The following IQGAP3 variants were observed in gnomAD, a reference collection of about 807,000 sequenced individuals.
The protein encoded by IQGAP3 is ras GTPase-activating-like protein IQGAP3.
A neutral mutation model predicts 208.2 loss-of-function variants in IQGAP3; 165 were observed. That is an observed-to-expected ratio of 0.79 (90% confidence interval 0.70 to 0.90). The LOEUF (loss-of-function observed/expected upper bound fraction) is 0.90. Ranked by LOEUF, IQGAP3 falls within the 40% of genes least tolerant of loss-of-function variation. The pLI is 0.00. For missense variants in IQGAP3, 1,811 were observed against 2,043.1 expected (o/e 0.89, Z 2.19); for synonymous variants, 703 against 803.6 (o/e 0.87, Z 2.12).
chr1:156,568,434 C>A (rs1263894915), intron 2 of IQGAP3, among the ~76,000 whole-genome samples: 2 of 152,196 alleles, frequency 1.3e-5, no homozygotes, highest in Non-Finnish European at 2.9e-5. Context: ...CCAGGCTGGT[C>A]TCAAACTCCT....
chr1:156,539,139 C>A, intron 25 of IQGAP3, 106 bp from the exon 26 acceptor site: 1 of 994,312 alleles, frequency 1.0e-6, no homozygotes, highest in Non-Finnish European at 1.5e-6. Context: ...CTGGTGTCCC[C>A]GCTCTTAAGG....
rs1355808398 is a variant in IQGAP3 at position 156,531,243 on chromosome 1, T to G, written c.4108A>C (p.Lys1370Gln). 2 of 1,613,224 alleles carry G rather than the reference T, an allele frequency of 1.2e-6. No homozygotes were observed. The highest frequency in any genetic ancestry group is 2.2e-5 in the South Asian group (2 of 91,052). Reference sequence around the variant, plus strand: ...TGTATGATATCGGCCAACAGCTGCTTGGTGCTGCACAAGGAGGACAGTGAC... The same window carrying G: ...TGTATGATATCGGCCAACAGCTGCTGGGTGCTGCACAAGGAGGACAGTGAC... Reference protein sequence around the residue: ...SNTRSLLLSTKQLLADIIQFH... With the variant: ...SNTRSLLLSTQQLLADIIQFH... Residue 1370 changes from lysine (K) to glutamine (Q), a missense_variant, in exon 33 of 38, where the codon AAG (lysine) becomes CAG (glutamine). Lys to Gln is a moderately conservative substitution (Grantham distance 53). Coordinates refer to ENST00000361170, the MANE Select transcript of IQGAP3 (RefSeq NM_178229.5).
At position 156,566,028 on chromosome 1, in the gene IQGAP3, G is replaced by A. The variant is rs200320829; in HGVS notation, c.359C>T (p.Ser120Leu). The A allele has an allele frequency of 7.2e-5, 116 of 1,611,684 alleles. No homozygotes were observed. The highest frequency in any genetic ancestry group is 8.1e-5 in the Non-Finnish European group (95 of 1,177,878). The change falls in exon 4 of 38, where the codon TCG becomes TTG. Residue 120 changes from serine (S) to leucine (L), a missense_variant and splice_region_variant. Physicochemically the swap from Ser to Leu is moderately radical, Grantham distance 145. Coordinates refer to ENST00000361170, the MANE Select transcript of IQGAP3 (RefSeq NM_178229.5). ...LSAIAHIGLPSTFFPETTDIY... is the reference protein window; with the variant it reads ...LSAIAHIGLPLTFFPETTDIY... ...ACCAATCTTCAGGCCCAGTATTACC[G>A]AAGGCAGACCGATGTGGGCTATTGC...
chr1:156,557,302 C>A (rs1369798353), intron 11 of IQGAP3, among the ~76,000 whole-genome samples: 2 of 7,798 alleles, frequency 2.6e-4, no homozygotes, highest in African/African-American at 2.8e-4. Flanking sequence ...GGGGGTCAGC[C>A]CCCCGCCCGG....
intron 25 of IQGAP3, 151 bp from the exon 26 acceptor site, chr1:156,539,184 C>T (rs1674857722): frequency 1.2e-6 from 1 of 821,000 alleles, no homozygotes. Flanking sequence ...TTTGTGTTAG[C>T]ATGTCAGCCC....
chr1:156,560,138 C>T (rs146954396), intron 11 of IQGAP3, among the ~76,000 whole-genome samples: 4 of 152,342 alleles, frequency 2.6e-5, no homozygotes, highest in African/African-American at 7.2e-5. Flanking sequence ...TTTGCCTCAG[C>T]ACTGTTTCTC....
intron 13 of IQGAP3, among the ~76,000 whole-genome samples, chr1:156,553,405 G>T (rs1675659142): frequency 6.6e-6 from 1 of 152,100 alleles, no homozygotes; most frequent in Non-Finnish European, 1.5e-5. Flanking sequence ...CTCTGCCCCA[G>T]ATAGCCTCAT....
Position 156,566,544 on chromosome 1 carries a change from C to A in IQGAP3, c.128G>T (p.Trp43Leu). The change falls in exon 3 of 38, where the codon TGG becomes TTG. Residue 43 changes from tryptophan to leucine, a missense_variant and splice_region_variant. Physicochemically the swap from Trp to Leu is moderately conservative, Grantham distance 61. Transcript: ENST00000361170. ...YLCRLEEAKR[W>L]MEACLKEELP... ...CTCCTCCTTCAGGCAGGCCTCCATC[C>A]AGCTATGAACATGAGAACACCTTCT... 1.2e-6 allele frequency: 2 copies of A among 1,613,988 alleles called. No individual in the cohort carries two copies. The highest frequency in any genetic ancestry group is 1.7e-6 in the Non-Finnish European group (2 of 1,179,920).
chr1:156,536,136 C>A (rs1403393541), intron 27 of IQGAP3, among the ~76,000 whole-genome samples: 1 of 152,172 alleles, frequency 6.6e-6, no homozygotes, highest in Non-Finnish European at 1.5e-5. Context: ...ATTGTAAACT[C>A]TTAATCCGGT....
rs77821780 is a variant in IQGAP3 at position 156,525,847 on chromosome 1, C to T, written c.*639G>A. 4,212 of 151,270 alleles carry T rather than the reference C, an allele frequency of 0.028. 83 individuals are homozygous for T. Among genetic ancestry groups the T allele is most frequent in the South Asian group, 0.064 (306 of 4,812 alleles). 9.4% of individuals were successfully genotyped at this position (151,270 alleles called of 1,614,324 possible). A position where few individuals can be genotyped will look rare whatever the true frequency, so the allele number is the denominator to read the frequency against. On this transcript the variant is annotated 3_prime_UTR_variant, in exon 38 of 38. Transcript: ENST00000361170. Reference sequence around the variant, plus strand: ...ATACCCTAGTGACCCACATATTAAACAGACCACAGACAAGAGAACAAGACT... The same window carrying T: ...ATACCCTAGTGACCCACATATTAAATAGACCACAGACAAGAGAACAAGACT...
Position 156,566,114 on chromosome 1 carries a change from A to T in IQGAP3, c.283-10T>A. 6.2e-7 allele frequency: 1 copy of T among 1,611,496 alleles called. No individual in the cohort carries two copies. ...AATGTAAGCCAGTTGCCTGAAAGGG[A>T]AGGAAAAAGAAAATCTATTTCCACA... On this transcript the variant is annotated splice_polypyrimidine_tract_variant and intron_variant, in intron 3 of 37. Coordinates refer to ENST00000361170, the MANE Select transcript of IQGAP3 (RefSeq NM_178229.5).
At chr1:156,572,344 G>GGCTGAGGATTCCCGTCCC (rs902032174) in intron 1 of IQGAP3, 149 bp downstream of exon 1, 2 of 845,188 alleles carry the variant, frequency 2.4e-6, no homozygotes, top group South Asian at 1.4e-5. Context: ...ACGGCGCCCG[G>GGCTGAGGATTCCCGTCCC]GCTGAGGATT....
intron 32 of IQGAP3, 51 bp downstream of exon 32, chr1:156,532,929 C>A (rs771802209): frequency 6.2e-7 from 1 of 1,610,596 alleles, no homozygotes; most frequent in South Asian, 1.1e-5. Context: ...TTTTACTGGC[C>A]TCAGGGCTGG....
Position 156,544,210 on chromosome 1 carries a change from G to T in IQGAP3, c.2402C>A (p.Ala801Asp). 1.2e-6 allele frequency: 2 copies of T among 1,614,078 alleles called. No individual in the cohort carries two copies. The highest frequency in any genetic ancestry group is 2.7e-5 in the African/African-American group (2 of 75,016). Residue 801 changes from alanine (A) to aspartate (D), a missense_variant, in exon 21 of 38, where the codon GCC becomes GAC. Physicochemically the swap from Ala to Asp is moderately radical, Grantham distance 126. Transcript: ENST00000361170. ...TTGCCTCCGAGCTGCCCACATCCGG[G>T]CCCAGGCCTGGATCTGGGAGAAGAA... ...LDAIIKIQAW[A>D]RMWAARRQYL... is the part of the protein sequence containing the mutation.
chr1:156,550,366 G>C lies in IQGAP3; in HGVS notation c.1735-15C>G. ...TCCCCTGTCACCTGGCAGATTGAGG[G>C]AGAAAAAAAAGATGTGACCCCAAGC... On this transcript the variant is annotated splice_polypyrimidine_tract_variant and intron_variant, in intron 15 of 37. Transcript: ENST00000361170. 1 of 1,606,390 alleles carries C rather than the reference G, an allele frequency of 6.2e-7. No homozygotes were observed.
At chr1:156,535,502 C>T (rs1442267877) in intron 27 of IQGAP3, among the ~76,000 whole-genome samples, 1 of 152,164 alleles carries the variant, frequency 6.6e-6, no homozygotes, top group African/African-American at 2.4e-5. Context: ...ATCTCTCACA[C>T]AGCCTCCAAC....
intron 34 of IQGAP3, 74 bp downstream of exon 34, chr1:156,530,031 T>C: frequency 2.4e-6 from 3 of 1,235,072 alleles, no homozygotes; most frequent in Non-Finnish European, 3.4e-6. Context: ...ACCAACACTA[T>C]GGATTAACAT....
chr1:156,565,082 C>T (rs2102442415), intron 4 of IQGAP3, among the ~76,000 whole-genome samples: 1 of 152,266 alleles, frequency 6.6e-6, no homozygotes, highest in East Asian at 1.9e-4. Flanking sequence ...AGACCCTTGC[C>T]AGAGATGTGG....
At chr1:156,566,253 A>G (rs1676394144) in intron 3 of IQGAP3, 137 bp downstream of exon 3, 3 of 1,206,434 alleles carry the variant, frequency 2.5e-6, no homozygotes, top group African/African-American at 1.5e-5. Flanking sequence ...CTACCAGGAC[A>G]GAGAAACATA....
Sources: allele counts gnomAD v4.1 joint callset (sites outside exome capture counted in the v4.1 genomes callset), GRCh38; gene constraint gnomAD v4.1.1; transcripts MANE v1.5; gene names NCBI Gene and HGNC (gene_info 2026-07-23, HGNC 2026-07-21).